Variants in SLC27A4 observed in about 807,000 individuals in gnomAD.
The protein encoded by SLC27A4 is solute carrier family 27 member 4, also known as long-chain fatty acid transport protein 4.
Under a neutral mutation model 64.4 loss-of-function variants are expected in SLC27A4, and 33 were observed. That is an observed-to-expected ratio of 0.51 (90% CI 0.39 to 0.68). The LOEUF is 0.68. Ranked by LOEUF, SLC27A4 falls within the 30% of genes least tolerant of loss-of-function variation. The pLI, the probability that SLC27A4 is intolerant of heterozygous loss-of-function variation, is 0.00. For synonymous variants in SLC27A4, 377 were observed against 370.0 expected (o/e 1.02, Z -0.22); for missense variants, 824 against 883.5 (o/e 0.93, Z 0.85).
At chr9:128,358,880 C>A (rs377151448) in intron 12 of SLC27A4, among the ~76,000 whole-genome samples, 3 of 152,202 alleles carry the variant, frequency 2.0e-5, no homozygotes, top group African/African-American at 7.2e-5. Context: ...AGCCCCAGGG[C>A]ACCCCCAAGC....
At chr9:128,352,615 A>G in intron 6 of SLC27A4, 23 bp from the exon 7 acceptor site, 5 of 1,587,076 alleles carry the variant, frequency 3.2e-6, no homozygotes, top group Non-Finnish European at 4.3e-6. Context: ...GCTGACCCTC[A>G]GGGGCCATCC....
At position 128,355,066 on chromosome 9, in the gene SLC27A4, G is replaced by C; in HGVS notation, c.1338G>C (p.Gln446His). The change falls in exon 10 of 13, where the codon CAG (glutamine) becomes CAC (histidine). Residue 446 changes from glutamine to histidine, a missense_variant. Physicochemically the swap from Gln to His is conservative, Grantham distance 24. Coordinates refer to ENST00000300456, the MANE Select transcript of SLC27A4 (RefSeq NM_005094.4). ...CIPCQPGEPGQLVGRIIQKDP... is the reference protein window; with the variant it reads ...CIPCQPGEPGHLVGRIIQKDP... ...TCCCCACCCCAGGTGAGCCGGGCCA[G>C]CTGGTGGGCCGCATCATCCAGAAAG... The C allele has an allele frequency of 6.2e-7, 1 of 1,610,514 alleles. No homozygotes were observed. Among genetic ancestry groups the C allele is most frequent in the Non-Finnish European group, 8.5e-7 (1 of 1,178,642 alleles).
At chr9:128,352,795 T>A (rs1442987229) in intron 7 of SLC27A4, 48 bp downstream of exon 7, 2 of 1,397,440 alleles carry the variant, frequency 1.4e-6, no homozygotes, top group East Asian at 4.6e-5. Flanking sequence ...CTAGTTACCC[T>A]CTTCCCAACT....
At chr9:128,340,867 C>A in intron 1 of SLC27A4, 29 bp downstream of exon 1, 1 of 616,794 alleles carries the variant, frequency 1.6e-6, no homozygotes. Flanking sequence ...GGTGGGTTCC[C>A]GGGTGGGGAC....
chr9:128,352,845 C>A, intron 7 of SLC27A4, 98 bp downstream of exon 7: 3 of 1,111,064 alleles, frequency 2.7e-6, no homozygotes, highest in South Asian at 2.6e-5. Flanking sequence ...GGTGGCCAGT[C>A]ATTCCAAAGG....
At position 128,348,547 on chromosome 9, in the gene SLC27A4, A is replaced by G. The variant is rs773728334; in HGVS notation, c.559A>G (p.Ile187Val). 6.2e-7 allele frequency: 1 copy of G among 1,613,068 alleles called. No homozygotes were observed. The highest frequency in any genetic ancestry group is 2.2e-5 in the East Asian group (1 of 44,882). Residue 187 changes from isoleucine (I) to valine (V), a missense_variant and splice_region_variant, in exon 4 of 13, where the codon ATC (isoleucine) becomes GTC (valine). Ile to Val is a conservative substitution (Grantham distance 29). Coordinates refer to ENST00000300456, the MANE Select transcript of SLC27A4 (RefSeq NM_005094.4). Reference sequence around the variant, plus strand: ...CTGACTGCCCTGTCTCCCCACAGCCATCTGTGAGGTCCATGCCAGCCTGGA... The same window carrying G: ...CTGACTGCCCTGTCTCCCCACAGCCGTCTGTGAGGTCCATGCCAGCCTGGA... ...LVFGSEMASAICEVHASLDPS... is the reference protein window; with the variant it reads ...LVFGSEMASAVCEVHASLDPS...
chr9:128,353,363 C>T lies in SLC27A4; in HGVS notation c.1198-52C>T. On this transcript the variant is annotated intron_variant, in intron 8 of 12. Coordinates refer to ENST00000300456, the MANE Select transcript of SLC27A4 (RefSeq NM_005094.4). The surrounding 1 kb of genome is among the most constrained non-coding windows in gnomAD (Gnocchi z 4.9). ...GGAGTCCCACTTCCCCCTCATTGTC[C>T]AGTTTTGGGCCCATGGTGAGAGAGC... 2.5e-6 allele frequency: 4 copies of T among 1,613,978 alleles called. No individual in the cohort carries two copies. The highest frequency in any genetic ancestry group is 1.7e-6 in the Non-Finnish European group (2 of 1,179,992).
Position 128,353,482 on chromosome 9 carries a change from A to G in SLC27A4, c.1265A>G (p.Asn422Ser), listed in dbSNP as rs1358138536. Residue 422 changes from asparagine to serine, a missense_variant, in exon 9 of 13, where the codon AAC (asparagine) becomes AGC (serine). Transcript: ENST00000300456. This position sits in a 1 kb window ranked among gnomAD's most constrained non-coding sequence, Gnocchi z 4.9. ...FVYPIRLVRVNEDTMELIRGP... is the reference protein window; with the variant it reads ...FVYPIRLVRVSEDTMELIRGP... The stretch of plus-strand genomic sequence containing the variant: ...TACCCCATCCGGTTGGTACGTGTCA[A>G]CGAGGACACCATGGAGCTGATCCGG... 1.9e-6 allele frequency: 3 copies of G among 1,613,992 alleles called. No homozygotes were observed. The highest frequency in any genetic ancestry group is 4.5e-5 in the East Asian group (2 of 44,874).
In SLC27A4 at chr9:128,343,310, G is replaced by T. The variant is rs143662747; in HGVS notation, c.161+17G>T. 8.4e-5 allele frequency: 136 copies of T among 1,613,910 alleles called. 1 individual carries two copies. The highest frequency in any genetic ancestry group is 1.7e-5 in the Non-Finnish European group (20 of 1,179,982). On this transcript the variant is annotated intron_variant, in intron 2 of 12. Coordinates refer to ENST00000300456, the MANE Select transcript of SLC27A4 (RefSeq NM_005094.4). ...CGATATCTTGTGAGTACCTGGCCCA[G>T]CCTTTCCTGGGGTCTGCCACACTAC...
At chr9:128,349,768 A>G (rs890529943) in intron 4 of SLC27A4, among the ~76,000 whole-genome samples, 21 of 152,296 alleles carry the variant, frequency 1.4e-4, no homozygotes, top group Admixed American at 3.3e-4. Flanking sequence ...TAACGTGGCA[A>G]TCCCTGTCGA....
intron 3 of SLC27A4, among the ~76,000 whole-genome samples, chr9:128,347,150 AC>A (rs763507286): frequency 8.1e-4 from 123 of 152,168 alleles, no homozygotes; most frequent in African/African-American, 2.8e-3. Flanking sequence ...CACTTTCCTC[AC>A]AGAGCCTGCA....
At position 128,353,708 on chromosome 9, in the gene SLC27A4, G is replaced by A. The variant is rs909944610; in HGVS notation, c.1324+167G>A. 6.6e-6 allele frequency among the ~76,000 whole-genome samples: 1 copy of A among 151,164 alleles called. No homozygotes were observed. Among genetic ancestry groups the A allele is most frequent in the Non-Finnish European group, 1.5e-5 (1 of 67,912 alleles). ...TATCCATCCATTCATTCATTCATTC[G>A]CCATTCTATCTGTACATCAGTCCAT... On this transcript the variant is annotated intron_variant, in intron 9 of 12. Transcript: ENST00000300456. The surrounding 1 kb of genome is among the most constrained non-coding windows in gnomAD (Gnocchi z 4.9).
intron 1 of SLC27A4, among the ~76,000 whole-genome samples, chr9:128,341,537 C>T (rs1362087929): frequency 6.6e-6 from 1 of 152,158 alleles, no homozygotes; most frequent in Non-Finnish European, 1.5e-5. Flanking sequence ...TCAGCTTTGC[C>T]CCCTGGGCGG....
rs1024839892 is a variant in SLC27A4, at chr9:128,345,603, A to G, written c.556+54A>G. On this transcript the variant is annotated intron_variant, in intron 3 of 12. Coordinates refer to ENST00000300456, the MANE Select transcript of SLC27A4 (RefSeq NM_005094.4). The surrounding 1 kb of genome is among the most constrained non-coding windows in gnomAD (Gnocchi z 4.1). ...AGGAACCCCATGGGATCTTACACAG[A>G]CCACAGCTCCCTTCCAGCCCTGCCA... The G allele has an allele frequency of 8.5e-6, 13 of 1,523,546 alleles. No homozygotes were observed. In the African/African-American group the frequency reaches 1.6e-4, roughly 19 times the overall value. 94.4% of individuals were successfully genotyped at this position (1,523,546 alleles called of 1,614,324 possible). A position where few individuals can be genotyped will look rare whatever the true frequency, so the allele number is the denominator to read the frequency against.
Position 128,342,369 on chromosome 9 carries a change from A to G in SLC27A4, c.-6-758A>G, listed in dbSNP as rs368133236. On this transcript the variant is annotated intron_variant, in intron 1 of 12. Transcript: ENST00000300456. ...AGAAGCAAGCAAGCGAATCGTAATGAGGCGTGCACCGCCAATATGCATTGT... is the reference window on the plus strand; with the variant it reads ...AGAAGCAAGCAAGCGAATCGTAATGGGGCGTGCACCGCCAATATGCATTGT... 22 of 1,610,860 alleles carry G rather than the reference A, an allele frequency of 1.4e-5. No individual in the cohort carries two copies. In the African/African-American group the frequency reaches 2.7e-4, roughly 20 times the overall value.
rs1275695543 is a variant in SLC27A4 at position 128,360,491 on chromosome 9, A to G, written c.1932A>G (p.Ter644TrpextTer6). 2 of 1,613,692 alleles carry G rather than the reference A, an allele frequency of 1.2e-6. No individual in the cohort carries two copies. The highest frequency in any genetic ancestry group is 1.7e-6 in the Non-Finnish European group (2 of 1,179,992). The change falls in exon 13 of 13, where the codon TGA becomes TGG. Residue 644 changes from the stop codon to tryptophan (W), a stop_lost. Transcript: ENST00000300456. ...SRIQAGEEKL[*>W] ...TCCAGGCAGGCGAGGAGAAGCTGTG[A>G]TTCCCCCCATCCCTCTGAGGGCCGG...
At position 128,355,788 on chromosome 9, in the gene SLC27A4, A is replaced by C; in HGVS notation, c.1766A>C (p.His589Pro). ...PIFLRLLPEL[H>P]KTGTYKFQKT... ...TTCCTGCGCCTCCTGCCTGAGCTGC[A>C]CAAAACAGGTGTGTCCCTCCCCTGC... Residue 589 changes from histidine (H) to proline (P), a missense_variant, in exon 12 of 13, where the codon CAC becomes CCC. Coordinates refer to ENST00000300456, the MANE Select transcript of SLC27A4 (RefSeq NM_005094.4). 6.2e-7 allele frequency: 1 copy of C among 1,613,350 alleles called. No individual in the cohort carries two copies. The highest frequency in any genetic ancestry group is 8.5e-7 in the Non-Finnish European group (1 of 1,180,026).
intron 9 of SLC27A4, among the ~76,000 whole-genome samples, chr9:128,354,791 T>TA (rs71381753): frequency 0.33 from 48,569 of 145,128 alleles, 9,663 homozygotes; most frequent in Non-Finnish European, 0.46. Context: ...TACTAAAAAA[T>TA]AAAAAAAAAA....
chr9:128,351,247 G>A (rs1165209625), intron 6 of SLC27A4, among the ~76,000 whole-genome samples: 1 of 150,180 alleles, frequency 6.7e-6, no homozygotes, highest in South Asian at 2.1e-4. Flanking sequence ...CTGGGCAACA[G>A]AGCGAGACAC....
Sources: allele counts gnomAD v4.1 joint callset (sites outside exome capture counted in the v4.1 genomes callset), GRCh38; gene constraint gnomAD v4.1.1; non-coding constraint Gnocchi (gnomAD v3.1); transcripts MANE v1.5; gene names NCBI Gene and HGNC (gene_info 2026-07-23, HGNC 2026-07-21).